Variants in CDH12 observed in about 807,000 individuals in gnomAD.
CDH12 encodes cadherin 12.
A neutral mutation model predicts 74.1 loss-of-function variants in CDH12; 41 were observed. The observed-to-expected ratio is 0.55, with a 90% CI of 0.43 to 0.72. The LOEUF is 0.72. Ranked by LOEUF, CDH12 falls within the 30% of genes least tolerant of loss-of-function variation. CDH12 has a pLI of 0.00. For synonymous variants in CDH12, 399 were observed against 355.0 expected (o/e 1.12, Z -1.39); for missense variants, 945 against 977.2 (o/e 0.97, Z 0.44).
chr5:22,743,273 T>TATATAC (rs61656133), intron 1 of CDH12, among the ~76,000 whole-genome samples: 51,378 of 144,594 alleles, frequency 0.36, 9,321 homozygotes, highest in East Asian at 0.4. Context: ...TATATATATA[T>TATATAC]ATATATATGT....
chr5:22,730,361 C>T (rs12652487), intron 1 of CDH12, among the ~76,000 whole-genome samples: 34,770 of 151,582 alleles, frequency 0.23, 4,454 homozygotes, highest in South Asian at 0.3. Context: ...ATCAGTTTTT[C>T]ATGAGCTATA....
intron 3 of CDH12, among the ~76,000 whole-genome samples, chr5:22,216,289 G>A (rs1487021226): frequency 6.6e-6 from 1 of 151,952 alleles, no homozygotes; most frequent in Non-Finnish European, 1.5e-5. Flanking sequence ...TGTGATTTAT[G>A]TATACTGGAA....
At chr5:22,567,459 A>G (rs1739341417) in intron 1 of CDH12, among the ~76,000 whole-genome samples, 1 of 152,226 alleles carries the variant, frequency 6.6e-6, no homozygotes, top group Non-Finnish European at 1.5e-5. Flanking sequence ...AACTTATTAC[A>G]TTGAATCAGT....
At chr5:22,266,038 A>ATTATTTAT (rs143229137) in intron 3 of CDH12, among the ~76,000 whole-genome samples, 3 of 140,950 alleles carry the variant, frequency 2.1e-5, no homozygotes, top group South Asian at 2.3e-4. Flanking sequence ...AGCTTTGTTG[A>ATTATTTAT]TTATTTATTT....
At chr5:22,554,344 T>C (rs1327304696) in intron 1 of CDH12, among the ~76,000 whole-genome samples, 1 of 152,084 alleles carries the variant, frequency 6.6e-6, no homozygotes, top group African/African-American at 2.4e-5. Context: ...GGTTTATTAA[T>C]TGTGACAAAA....
At chr5:22,757,884 G>T (rs1257162761) in intron 1 of CDH12, among the ~76,000 whole-genome samples, 2 of 152,144 alleles carry the variant, frequency 1.3e-5, no homozygotes, top group Admixed American at 6.5e-5. Context: ...TACATAATTA[G>T]TATTCTAAGG....
At chr5:21,842,015 A>G (rs1397151882) in intron 8 of CDH12, 146 bp downstream of exon 8, 1 of 668,106 alleles carries the variant, frequency 1.5e-6, no homozygotes, top group East Asian at 2.8e-5. Flanking sequence ...TAAAAAAAAA[A>G]AAAGATTTGT....
intron 3 of CDH12, among the ~76,000 whole-genome samples, chr5:22,330,116 G>A (rs1347207191): frequency 3.3e-5 from 5 of 152,152 alleles, no homozygotes; most frequent in Admixed American, 6.5e-5. Flanking sequence ...TTAAGGAGAG[G>A]AGAATGAAGG....
At chr5:22,454,212 TCA>T (rs1201577631) in intron 2 of CDH12, among the ~76,000 whole-genome samples, 1 of 152,214 alleles carries the variant, frequency 6.6e-6, no homozygotes, top group African/African-American at 2.4e-5. Context: ...GCTTTCTAGT[TCA>T]ATTTGCATTT....
chr5:22,732,469 T>TACACAC (rs1304912248), intron 1 of CDH12, among the ~76,000 whole-genome samples: 6 of 58,312 alleles, frequency 1.0e-4, no homozygotes, highest in East Asian at 1.4e-3. Flanking sequence ...TATATATATA[T>TACACAC]ATACACACAC....
intron 3 of CDH12, among the ~76,000 whole-genome samples, chr5:22,227,088 C>T (rs1366073547): frequency 6.6e-6 from 1 of 152,002 alleles, no homozygotes; most frequent in Non-Finnish European, 1.5e-5. Flanking sequence ...AAAAATTGTA[C>T]AAGTTAACAC....
chr5:22,229,176 A>G lies in CDH12; in HGVS notation c.-332-16533T>C, dbSNP rs191596367. On this transcript the variant is annotated intron_variant, in intron 3 of 14. Coordinates refer to ENST00000382254, the MANE Select transcript of CDH12 (RefSeq NM_004061.5). ...AGTATATTCCACTGTCAGTGTGAGG[A>G]AATTTCTCCTTTTTAGTAATGGTAC... 5.2e-3 allele frequency among the ~76,000 whole-genome samples: 783 copies of G among 151,480 alleles called. 4 individuals carry two copies. The highest frequency in any genetic ancestry group is 9.1e-3 in the Non-Finnish European group (618 of 67,864).
chr5:22,074,711 G>A (rs564444507), intron 5 of CDH12, among the ~76,000 whole-genome samples: 111 of 152,236 alleles, frequency 7.3e-4, no homozygotes, highest in African/African-American at 2.6e-3. Flanking sequence ...ATGAAAAAAT[G>A]CTCATCATCA....
intron 4 of CDH12, among the ~76,000 whole-genome samples, chr5:22,086,538 TTTG>T (rs1297079173): frequency 6.6e-6 from 1 of 151,968 alleles, no homozygotes; most frequent in African/African-American, 2.4e-5. Context: ...TGTTTGTTTG[TTTG>T]TTTTTTGCAT....
chr5:21,903,343 A>G (rs1040997468), intron 6 of CDH12, among the ~76,000 whole-genome samples: 6 of 152,122 alleles, frequency 3.9e-5, no homozygotes, highest in Non-Finnish European at 8.8e-5. Context: ...AAATAGTGCT[A>G]AAGAAGAGAT....
intron 1 of CDH12, among the ~76,000 whole-genome samples, chr5:22,770,505 C>T (rs1332870709): frequency 6.6e-6 from 1 of 152,092 alleles, no homozygotes; most frequent in East Asian, 1.9e-4. Context: ...ATATAGCATA[C>T]AATGTTGATC....
At chr5:22,052,426 C>T (rs2150195521) in intron 5 of CDH12, among the ~76,000 whole-genome samples, 1 of 152,096 alleles carries the variant, frequency 6.6e-6, no homozygotes, top group East Asian at 1.9e-4. Flanking sequence ...TGACAGCCCA[C>T]CCTGCCTCCC....
chr5:22,070,686 T>C (rs918278727), intron 5 of CDH12, among the ~76,000 whole-genome samples: 6 of 152,228 alleles, frequency 3.9e-5, no homozygotes, highest in Admixed American at 6.5e-5. Flanking sequence ...TTCTTAAAAA[T>C]AATTTTTTGT....
rs1741890393 is a variant in CDH12, at chr5:22,070,818, TC to T, written c.231+7627del. Among the ~76,000 whole-genome samples, 4 of 152,334 alleles carry T rather than the reference TC, an allele frequency of 2.6e-5. No homozygotes were observed. The South Asian group carries it at 8.3e-4, about 32-fold the overall frequency. Reference sequence around the variant, plus strand: ...AGCCATAAAAAGAAACAAGATCATGTCCTTTGCAGGGACGTGGAAGGACGTG... The same window carrying T: ...AGCCATAAAAAGAAACAAGATCATGTCTTTGCAGGGACGTGGAAGGACGTG... On this transcript the variant is annotated intron_variant, in intron 5 of 14. Coordinates refer to ENST00000382254, the MANE Select transcript of CDH12 (RefSeq NM_004061.5).
Sources: gnomAD v4.1 joint callset for allele counts (sites outside exome capture counted in the v4.1 genomes callset) on GRCh38, gnomAD v4.1.1 for gene constraint, MANE v1.5 for transcripts, NCBI Gene and HGNC (gene_info 2026-07-23, HGNC 2026-07-21) for gene names.